The following RIMKLB variants were observed in gnomAD, a reference collection of about 807,000 sequenced individuals.
The protein encoded by RIMKLB is ribosomal modification protein rimK like family member B.
A neutral mutation model predicts 32.0 loss-of-function variants in RIMKLB; 7 were observed. That is an observed-to-expected ratio of 0.22 (90% CI 0.12 to 0.41). The LOEUF (loss-of-function observed/expected upper bound fraction) is 0.41, where lower values mean the gene tolerates loss of function less well. Among genes scored for constraint, RIMKLB ranks in the 10% least tolerant of loss-of-function variants. The pLI is 1.00. For missense variants in RIMKLB, 289 were observed against 498.7 expected (o/e 0.58, Z 4.00); for synonymous variants, 172 against 185.1 (o/e 0.93, Z 0.57).
chr12:8,760,807 A>G (rs960794672), intron 5 of RIMKLB, among the ~76,000 whole-genome samples: 1 of 152,066 alleles, frequency 6.6e-6, no homozygotes, highest in Non-Finnish European at 1.5e-5. Flanking sequence ...TTTCTTGTAA[A>G]TTTGTTTGAG....
chr12:8,706,894 A>G (rs1290871101), intron 1 of RIMKLB, among the ~76,000 whole-genome samples: 5 of 152,202 alleles, frequency 3.3e-5, no homozygotes, highest in Admixed American at 2.6e-4. Flanking sequence ...CAGAAGGAAT[A>G]AAGTTGAAAC....
chr12:8,759,884 T>G (rs1056998399), intron 5 of RIMKLB, among the ~76,000 whole-genome samples: 1 of 152,228 alleles, frequency 6.6e-6, no homozygotes, highest in Admixed American at 6.5e-5. Flanking sequence ...AGAGATTCTA[T>G]TAGAGTGTTT....
intron 2 of RIMKLB, among the ~76,000 whole-genome samples, chr12:8,719,093 C>T (rs557779026): frequency 7.7e-4 from 117 of 152,238 alleles, no homozygotes; most frequent in African/African-American, 2.6e-3. Context: ...TCTTGACAAC[C>T]ACTGACCCTC....
rs143471004 is a variant in RIMKLB, at chr12:8,717,620, A to G, written c.175+3579A>G. On this transcript the variant is annotated intron_variant, in intron 2 of 5. Coordinates refer to ENST00000535829, the MANE Select transcript of RIMKLB (RefSeq NM_001297776.2). ...TTCATTCTCCCTTACTTCCAGATAT[A>G]ATGTAAAAGGCTTGTCTGTTTTGTT... Among the ~76,000 whole-genome samples, 42 of 152,330 alleles carry G rather than the reference A, an allele frequency of 2.8e-4. No homozygotes were observed. The East Asian group carries it at 7.9e-3, about 29-fold the overall frequency.
the RIMKLB span, among the ~76,000 whole-genome samples, chr12:8,671,483 C>G: frequency 6.6e-6 from 1 of 152,162 alleles, no homozygotes; most frequent in South Asian, 2.1e-4. Flanking sequence ...CTCCCAACCT[C>G]AGGTGATCTG....
At chr12:8,690,751 CCTCT>C (rs978593525) in intron 1 of RIMKLB, among the ~76,000 whole-genome samples, 7 of 152,056 alleles carry the variant, frequency 4.6e-5, no homozygotes, top group Non-Finnish European at 1.0e-4. Context: ...GGTGAAACCC[CCTCT>C]CTCCTAAAAA....
chr12:8,745,991 G>A (rs2137622153), intron 2 of RIMKLB, among the ~76,000 whole-genome samples: 1 of 151,884 alleles, frequency 6.6e-6, no homozygotes, highest in African/African-American at 2.4e-5. Context: ...CACTGAGCCT[G>A]ACCCCATAAA....
intron 2 of RIMKLB, among the ~76,000 whole-genome samples, chr12:8,735,716 C>T (rs911322719): frequency 2.1e-5 from 3 of 145,484 alleles, no homozygotes; most frequent in Non-Finnish European, 3.0e-5. Context: ...AGACTTTCTT[C>T]GTTTTTTTTT....
intron 5 of RIMKLB, among the ~76,000 whole-genome samples, chr12:8,767,330 G>A (rs986723101): frequency 7.2e-5 from 11 of 152,170 alleles, no homozygotes; most frequent in African/African-American, 2.7e-4. Context: ...TGCCCATGTC[G>A]AGAGCTGTAT....
At chr12:8,749,762 T>C (rs1802268896) in intron 2 of RIMKLB, 100 bp from the exon 3 acceptor site, 1 of 744,584 alleles carries the variant, frequency 1.3e-6, no homozygotes, top group Admixed American at 2.6e-5. Context: ...AACAAAATAG[T>C]ACATTTCATT....
Position 8,775,313 on chromosome 12 carries a change from A to G in RIMKLB, c.*1529A>G. 1 of 985,350 alleles carries G rather than the reference A, an allele frequency of 1.0e-6. No homozygotes were observed. Among genetic ancestry groups the G allele is most frequent in the South Asian group, 4.7e-5 (1 of 21,286 alleles). 61.0% of individuals were successfully genotyped at this position (985,350 alleles called of 1,614,324 possible). On this transcript the variant is annotated 3_prime_UTR_variant, in exon 6 of 6. Coordinates refer to ENST00000535829, the MANE Select transcript of RIMKLB (RefSeq NM_001297776.2). Reference sequence around the variant, plus strand: ...AAGCCTTCAATACTGTCCACTCTTTATATTCCTTTACTTGCAGAATTTATA... The same window carrying G: ...AAGCCTTCAATACTGTCCACTCTTTGTATTCCTTTACTTGCAGAATTTATA...
chr12:8,742,930 T>G (rs183677900), intron 2 of RIMKLB: 1 of 167,332 alleles, frequency 6.0e-6, no homozygotes, highest in Admixed American at 6.2e-5. Flanking sequence ...ACAAGGGAGC[T>G]CTCTCAGGGG....
chr12:8,699,140 A>G (rs1345089129), intron 1 of RIMKLB, among the ~76,000 whole-genome samples: 1 of 152,218 alleles, frequency 6.6e-6, no homozygotes. Flanking sequence ...TGCAACTGCT[A>G]TGTAAATTCT....
In RIMKLB at chr12:8,774,987, TTTAAA is replaced by T. The variant is rs1950647568; in HGVS notation, c.*1204_*1208del. The T allele has an allele frequency of 3.9e-5, 38 of 985,614 alleles. No individual in the cohort carries two copies. The highest frequency in any genetic ancestry group is 4.6e-5 in the Non-Finnish European group (38 of 829,832). The allele number at this position is 985,614 out of a possible 1,614,324, so 61.1% of individuals were successfully genotyped here. ...CATGATGGGAAACAGAGTTTTTGAC[TTTAAA>T]AAACAGATGAGTTGTTTTCATAAGT... On this transcript the variant is annotated 3_prime_UTR_variant, in exon 6 of 6. Coordinates refer to ENST00000535829, the MANE Select transcript of RIMKLB (RefSeq NM_001297776.2).
chr12:8,704,032 T>C (rs1943636677), intron 1 of RIMKLB, among the ~76,000 whole-genome samples: 1 of 152,220 alleles, frequency 6.6e-6, no homozygotes, highest in African/African-American at 2.4e-5. Flanking sequence ...ATTGGAATAA[T>C]AGAAGCCTGT....
At chr12:8,760,171 A>C (rs1949397532) in intron 5 of RIMKLB, among the ~76,000 whole-genome samples, 1 of 149,924 alleles carries the variant, frequency 6.7e-6, no homozygotes, top group Non-Finnish European at 1.5e-5. Flanking sequence ...TTCAATTCCC[A>C]CCTATGAGTA....
At chr12:8,672,028 C>A in the RIMKLB span, among the ~76,000 whole-genome samples, 1 of 152,220 alleles carries the variant, frequency 6.6e-6, no homozygotes, top group African/African-American at 2.4e-5. Flanking sequence ...AATTATCTCT[C>A]TCAAGTTTAA....
intron 5 of RIMKLB, among the ~76,000 whole-genome samples, chr12:8,768,351 G>T (rs932308636): frequency 1.3e-5 from 2 of 152,132 alleles, no homozygotes; most frequent in African/African-American, 4.8e-5. Flanking sequence ...GATGGACAGT[G>T]AGCAAAAGCT....
chr12:8,692,860 C>T (rs1392821051), upstream of RIMKLB, among the ~76,000 whole-genome samples: 10 of 152,228 alleles, frequency 6.6e-5, no homozygotes, highest in Admixed American at 6.5e-4. Flanking sequence ...TTTACTGCAG[C>T]TGCCGCTACC....
Sources: allele counts gnomAD v4.1 joint callset (sites outside exome capture counted in the v4.1 genomes callset), GRCh38; gene constraint gnomAD v4.1.1; transcripts MANE v1.5; gene names NCBI Gene and HGNC (gene_info 2026-07-23, HGNC 2026-07-21).